TMPRSS11E: variants seen among roughly 807,000 people sequenced by gnomAD.
TMPRSS11E encodes transmembrane protease serine 11E.
TMPRSS11E carries 38 observed loss-of-function variants against 48.1 expected under a neutral mutation model. The ratio of observed to expected loss-of-function variants is 0.79; its 90% confidence interval spans 0.61 to 1.04. TMPRSS11E has a LOEUF of 1.04. Ranked by LOEUF, TMPRSS11E falls within the 50% of genes least tolerant of loss-of-function variation. TMPRSS11E has a pLI of 0.00. For missense variants in TMPRSS11E, 530 were observed against 510.8 expected, an observed-to-expected ratio of 1.04 and a Z score of -0.36; for synonymous variants, 158 against 171.9, an observed-to-expected ratio of 0.92 and a Z score of 0.63.
intron 1 of TMPRSS11E, among the ~76,000 whole-genome samples, chr4:68,460,940 G>A (rs1364377819): frequency 1.3e-5 from 2 of 150,514 alleles, no homozygotes; most frequent in African/African-American, 4.9e-5. Context: ...GAGTGCAGTG[G>A]CCCGATCTTA....
chr4:68,456,761 C>T (rs1728642991), intron 1 of TMPRSS11E, among the ~76,000 whole-genome samples: 1 of 152,096 alleles, frequency 6.6e-6, no homozygotes, highest in African/African-American at 2.4e-5. Flanking sequence ...CACACATCTG[C>T]AACCATCTGA....
At chr4:68,456,284 TCTCTATGAGAA>T (rs1728625997) in intron 1 of TMPRSS11E, among the ~76,000 whole-genome samples, 1 of 151,960 alleles carries the variant, frequency 6.6e-6, no homozygotes, top group South Asian at 2.1e-4. Flanking sequence ...TTTTGTAACT[TCTCTATGAGAA>T]CTAGCCGTAA....
At chr4:68,474,822 T>C (rs1729167241) in intron 6 of TMPRSS11E, 61 bp downstream of exon 6, 1 of 1,385,776 alleles carries the variant, frequency 7.2e-7, no homozygotes, top group African/African-American at 1.5e-5. Flanking sequence ...ACACTATAGG[T>C]CATTTAGGTT....
At chr4:68,454,607 A>C (rs192064882) in intron 1 of TMPRSS11E, among the ~76,000 whole-genome samples, 3 of 152,042 alleles carry the variant, frequency 2.0e-5, no homozygotes, top group African/African-American at 7.2e-5. Flanking sequence ...TTAAACATCG[A>C]GAGGGTCTAT....
chr4:68,490,880 T>A (rs1332850668), intron 9 of TMPRSS11E, among the ~76,000 whole-genome samples: 2 of 147,062 alleles, frequency 1.4e-5, no homozygotes, highest in African/African-American at 5.0e-5. Flanking sequence ...TGCCTCAGCC[T>A]CCTGAGTAGC....
At chr4:68,448,629 G>T (rs560726085) in intron 1 of TMPRSS11E, among the ~76,000 whole-genome samples, 1 of 151,958 alleles carries the variant, frequency 6.6e-6, no homozygotes, top group South Asian at 2.1e-4. Context: ...TGTAGAGGCG[G>T]TATAATGTGG....
At chr4:68,495,414 A>AT (rs1315486686) in intron 9 of TMPRSS11E, among the ~76,000 whole-genome samples, 1 of 151,820 alleles carries the variant, frequency 6.6e-6, no homozygotes, top group African/African-American at 2.4e-5. Flanking sequence ...TAGACTTGGG[A>AT]TTTTATTATC....
intron 9 of TMPRSS11E, among the ~76,000 whole-genome samples, chr4:68,487,941 CAAAAAAAAAAAAAA>C (rs56299530): frequency 1.1e-5 from 1 of 89,974 alleles, no homozygotes; most frequent in Non-Finnish European, 2.1e-5. Context: ...GACTCTGTCT[CAAAAAAAAAAAAAA>C]AAAAAAAAAA....
At chr4:68,466,880 T>A in intron 3 of TMPRSS11E, 128 bp downstream of exon 3, 1 of 1,199,748 alleles carries the variant, frequency 8.3e-7, no homozygotes, top group Non-Finnish European at 1.2e-6. Context: ...AAAGAGGCCC[T>A]AACCCAAGGA....
chr4:68,491,400 CAG>C (rs1470355304), intron 9 of TMPRSS11E, among the ~76,000 whole-genome samples: 3 of 147,672 alleles, frequency 2.0e-5, no homozygotes, highest in African/African-American at 7.4e-5. Context: ...CTCTAATTTT[CAG>C]AGTCTTTTTA....
At chr4:68,464,525 T>C (rs2109677916) in intron 2 of TMPRSS11E, among the ~76,000 whole-genome samples, 1 of 152,334 alleles carries the variant, frequency 6.6e-6, no homozygotes, top group South Asian at 2.1e-4. Context: ...TTAACTTTTC[T>C]GTTAATATTC....
chr4:68,460,670 A>G (rs1460409229), intron 1 of TMPRSS11E, among the ~76,000 whole-genome samples: 1 of 152,198 alleles, frequency 6.6e-6, no homozygotes, highest in African/African-American at 2.4e-5. Flanking sequence ...ATCTAAAATA[A>G]GAGTATCATA....
At position 68,448,267 on chromosome 4, in the gene TMPRSS11E, G is replaced by T. The variant is rs374805923; in HGVS notation, c.11+744G>T. ...TTTACTTTGAGAACAGTTTGAAAAT[G>T]TTAAACTTTGAATGAAATCTGTGGT... On this transcript the variant is annotated intron_variant, in intron 1 of 9. Coordinates refer to ENST00000305363, the MANE Select transcript of TMPRSS11E (RefSeq NM_014058.4). Among the ~76,000 whole-genome samples the T allele has an allele frequency of 2.1e-4, 32 of 151,986 alleles. 1 individual carries two copies. In the South Asian group the frequency reaches 4.2e-3, roughly 20 times the overall value.
intron 9 of TMPRSS11E, among the ~76,000 whole-genome samples, chr4:68,495,406 G>C (rs893595597): frequency 6.6e-6 from 1 of 151,816 alleles, no homozygotes; most frequent in African/African-American, 2.4e-5. Context: ...CCTGCATATA[G>C]ACTTGGGATT....
intron 9 of TMPRSS11E, among the ~76,000 whole-genome samples, chr4:68,482,740 C>A (rs1016793348): frequency 2.6e-5 from 4 of 151,830 alleles, no homozygotes; most frequent in Admixed American, 2.0e-4. Flanking sequence ...CCACTGCAGT[C>A]CAGCTTGGGT....
rs1729308993 is a variant in TMPRSS11E, at chr4:68,478,590, G to A, written c.968-259G>A. On this transcript the variant is annotated intron_variant, in intron 8 of 9. Coordinates refer to ENST00000305363, the MANE Select transcript of TMPRSS11E (RefSeq NM_014058.4). The stretch of plus-strand genomic sequence containing the variant: ...CTGCATCAGCCTCCTGAATAGCTGG[G>A]ATTACAGGTGCATGCCACCACCCCC... 2.0e-5 allele frequency among the ~76,000 whole-genome samples: 3 copies of A among 149,528 alleles called. No homozygotes were observed. The South Asian group carries it at 6.5e-4, about 32-fold the overall frequency.
chr4:68,449,974 A>AATCATCACCAT (rs1728448939), intron 1 of TMPRSS11E, among the ~76,000 whole-genome samples: 1 of 151,780 alleles, frequency 6.6e-6, no homozygotes, highest in Non-Finnish European at 1.5e-5. Flanking sequence ...TTTTTTGCTT[A>AATCATCACCAT]GTTTGTGTCT....
intron 9 of TMPRSS11E, among the ~76,000 whole-genome samples, chr4:68,484,186 G>A (rs1042705362): frequency 6.6e-6 from 1 of 152,142 alleles, no homozygotes; most frequent in Admixed American, 6.6e-5. Context: ...GACATTGGTA[G>A]TTTTATAGGA....
chr4:68,468,474 T>C (rs1413080679), intron 3 of TMPRSS11E, among the ~76,000 whole-genome samples: 3 of 152,118 alleles, frequency 2.0e-5, no homozygotes, highest in South Asian at 4.1e-4. Context: ...GCATTTGACA[T>C]GGTCATGCAC....
Sources: allele counts gnomAD v4.1 joint callset (sites outside exome capture counted in the v4.1 genomes callset), GRCh38; gene constraint gnomAD v4.1.1; transcripts MANE v1.5; gene names NCBI Gene and HGNC (gene_info 2026-07-23, HGNC 2026-07-21).